Variants in ALG14 observed in about 807,000 individuals in gnomAD.
The protein encoded by ALG14 is UDP-N-acetylglucosamine transferase subunit ALG14.
Under a neutral mutation model 22.8 loss-of-function variants are expected in ALG14, and 17 were observed. The ratio of observed to expected loss-of-function variants is 0.75; its 90% CI spans 0.51 to 1.12. The LOEUF is 1.12. ALG14 is among the 50% of genes most tolerant of loss of function. ALG14 has a pLI of 0.00. For synonymous variants in ALG14, 89 were observed against 103.7 expected (o/e 0.86, Z 0.86); for missense variants, 288 against 271.8 (o/e 1.06, Z -0.42).
intron 2 of ALG14, among the ~76,000 whole-genome samples, chr1:95,035,282 A>G (rs1211418713): frequency 1.3e-5 from 2 of 152,166 alleles, no homozygotes; most frequent in Non-Finnish European, 2.9e-5. Flanking sequence ...CCTGTCTTCA[A>G]TATAATCCAG....
At chr1:95,012,901 T>A (rs1219168153) in intron 3 of ALG14, among the ~76,000 whole-genome samples, 1 of 152,148 alleles carries the variant, frequency 6.6e-6, no homozygotes, top group East Asian at 1.9e-4. Flanking sequence ...GGGAGGCCGA[T>A]GAGGGCGAAT....
intron 2 of ALG14, among the ~76,000 whole-genome samples, chr1:95,044,701 T>C (rs1418163159): frequency 3.3e-5 from 5 of 152,138 alleles, no homozygotes; most frequent in Non-Finnish European, 7.3e-5. Flanking sequence ...CAGACTTTAC[T>C]ATTTTCTTCT....
At chr1:95,042,227 A>G (rs1489513600) in intron 2 of ALG14, among the ~76,000 whole-genome samples, 1 of 151,938 alleles carries the variant, frequency 6.6e-6, no homozygotes, top group African/African-American at 2.4e-5. Flanking sequence ...CCCCACCCCA[A>G]CACTCTATCT....
chr1:95,056,754 A>G (rs1305651401), intron 2 of ALG14, among the ~76,000 whole-genome samples: 1 of 152,128 alleles, frequency 6.6e-6, no homozygotes, highest in Non-Finnish European at 1.5e-5. Flanking sequence ...AGGAAAATAT[A>G]AACATTAAAA....
At chr1:95,004,779 G>A (rs1673170504) in intron 3 of ALG14, among the ~76,000 whole-genome samples, 1 of 151,994 alleles carries the variant, frequency 6.6e-6, no homozygotes, top group East Asian at 1.9e-4. Flanking sequence ...ACAGGCATGA[G>A]CCACCGCGCC....
intron 3 of ALG14, among the ~76,000 whole-genome samples, chr1:95,001,337 AC>A (rs1326048766): frequency 1.3e-5 from 2 of 152,128 alleles, no homozygotes; most frequent in Admixed American, 1.3e-4. Flanking sequence ...CATGCTCTAC[AC>A]CCCGACTGGT....
At chr1:94,989,852 C>T (rs1314290947) in intron 3 of ALG14, among the ~76,000 whole-genome samples, 2 of 152,130 alleles carry the variant, frequency 1.3e-5, no homozygotes, top group Non-Finnish European at 2.9e-5. Context: ...AGTTTGCTAT[C>T]AAGAACCCTA....
intron 3 of ALG14, among the ~76,000 whole-genome samples, chr1:95,026,539 T>C (rs1673824709): frequency 6.6e-6 from 1 of 151,380 alleles, no homozygotes; most frequent in Non-Finnish European, 1.5e-5. Flanking sequence ...CAGCAGGCTG[T>C]TGGAGCAGTC....
At chr1:94,991,625 G>A (rs371385921) in intron 3 of ALG14, among the ~76,000 whole-genome samples, 1 of 152,236 alleles carries the variant, frequency 6.6e-6, no homozygotes, top group African/African-American at 2.4e-5. Flanking sequence ...GAGTGTGAAG[G>A]CCCAGGACAT....
At position 94,976,189 on chromosome 1, in the gene ALG14, G is replaced by A. The variant is rs1009000205; in HGVS notation, c.*6887C>T. On this transcript the variant is annotated 3_prime_UTR_variant, in exon 4 of 4. Transcript: ENST00000370205. ...GTTTAGTGCTCCCTACAACTCTAAC[G>A]CAGGTACATTATGCTTATTTTACAG... is the stretch of plus-strand genomic sequence containing the variant. The A allele has an allele frequency of 1.9e-4, 29 of 151,930 alleles. No individual in the cohort carries two copies. The highest frequency in any genetic ancestry group is 6.3e-4 in the African/African-American group (26 of 41,332). 9.4% of individuals were successfully genotyped at this position (151,930 alleles called of 1,614,324 possible). A position where few individuals can be genotyped will look rare whatever the true frequency, so the allele number is the denominator to read the frequency against.
chr1:95,069,289 A>G (rs896985823), intron 1 of ALG14, among the ~76,000 whole-genome samples: 2 of 152,214 alleles, frequency 1.3e-5, no homozygotes, highest in Non-Finnish European at 2.9e-5. Flanking sequence ...AAGCCTGGGT[A>G]CATAACAAGA....
At chr1:94,989,574 G>A (rs561839869) in intron 3 of ALG14, among the ~76,000 whole-genome samples, 2 of 152,308 alleles carry the variant, frequency 1.3e-5, no homozygotes, top group East Asian at 3.9e-4. Context: ...CTCTGTTCTG[G>A]TAGCAAAGGT....
Position 94,982,468 on chromosome 1 carries a change from C to A in ALG14, c.*608G>T, listed in dbSNP as rs1044495018. ...AGATACTCTGTATTAAGGCCAACTACTCAAAAAGCAAGACTGAAGTACAAA... is the reference window on the plus strand; with the variant it reads ...AGATACTCTGTATTAAGGCCAACTAATCAAAAAGCAAGACTGAAGTACAAA... On this transcript the variant is annotated 3_prime_UTR_variant, in exon 4 of 4. Transcript: ENST00000370205. 4 of 152,348 alleles carry A rather than the reference C, an allele frequency of 2.6e-5. No homozygotes were observed. Among genetic ancestry groups the A allele is most frequent in the Admixed American group, 1.3e-4 (2 of 15,264 alleles). The allele number at this position is 152,348 out of a possible 1,614,324, so 9.4% of individuals were successfully genotyped here.
At chr1:95,022,639 A>G (rs1673697638) in intron 3 of ALG14, among the ~76,000 whole-genome samples, 2 of 152,228 alleles carry the variant, frequency 1.3e-5, no homozygotes, top group Admixed American at 6.5e-5. Context: ...AAACCTAAAC[A>G]AATGGCTCCC....
intron 3 of ALG14, among the ~76,000 whole-genome samples, chr1:94,999,483 A>G (rs1055039655): frequency 1.3e-5 from 2 of 151,956 alleles, no homozygotes; most frequent in Non-Finnish European, 2.9e-5. Flanking sequence ...AATGTCCCCA[A>G]CACACCAACT....
At chr1:95,035,709 T>G (rs1221298238) in intron 2 of ALG14, 1 of 152,214 alleles carries the variant, frequency 6.6e-6, no homozygotes, top group Non-Finnish European at 1.5e-5. Flanking sequence ...TTGTGAAAAC[T>G]AAATAGGAGT....
chr1:95,064,885 T>A lies in ALG14; in HGVS notation c.269A>T (p.Asp90Val), dbSNP rs1447721365. The A allele has an allele frequency of 1.9e-6, 3 of 1,613,426 alleles. No homozygotes were observed. The highest frequency in any genetic ancestry group is 2.5e-6 in the Non-Finnish European group (3 of 1,179,660). The stretch of plus-strand genomic sequence containing the variant: ...ACTTACCATGTTACTAGGGTCTCTA[T>A]CAGCTCGATCTAGTTCAAAAGAATT... ...KINSFELDRA[D>V]RDPSNMYTKY... is the part of the protein sequence containing the mutation. Residue 90 changes from aspartate (D) to valine (V), a missense_variant, in exon 2 of 4, where the codon GAT becomes GTT. Transcript: ENST00000370205.
intron 2 of ALG14, among the ~76,000 whole-genome samples, chr1:95,056,648 A>C (rs569945562): frequency 6.6e-6 from 1 of 152,226 alleles, no homozygotes; most frequent in East Asian, 1.9e-4. Flanking sequence ...GTCTCAAAAA[A>C]AGAAAAGAAA....
At chr1:95,070,675 C>G (rs1237302598) in intron 1 of ALG14, among the ~76,000 whole-genome samples, 1 of 152,188 alleles carries the variant, frequency 6.6e-6, no homozygotes, top group Non-Finnish European at 1.5e-5. Flanking sequence ...TAGGTTGACA[C>G]TATATGTCAA....
Sources: gnomAD v4.1 joint callset for allele counts (sites outside exome capture counted in the v4.1 genomes callset) on GRCh38, gnomAD v4.1.1 for gene constraint, MANE v1.5 for transcripts, NCBI Gene and HGNC (gene_info 2026-07-23, HGNC 2026-07-21) for gene names.